GYPE: variants seen among roughly 807,000 people sequenced by gnomAD.
GYPE encodes glycophorin E (MNS blood group).
A neutral mutation model predicts 11.6 loss-of-function variants in GYPE; 8 were observed. The ratio of observed to expected loss-of-function variants is 0.69; its 90% CI spans 0.41 to 1.25. The LOEUF (loss-of-function observed/expected upper bound fraction) is 1.25, where lower values mean the gene tolerates loss of function less well. Ranked by LOEUF, GYPE falls within the 50% of genes most tolerant of loss-of-function variation. The probability of loss-of-function intolerance (pLI) is 0.01; values close to 1 mark genes in which losing one functional copy is unlikely to be tolerated. For missense variants in GYPE, 90 were observed against 92.8 expected, an observed-to-expected ratio of 0.97 and a Z score of 0.12; for synonymous variants, 28 against 29.6, an observed-to-expected ratio of 0.94 and a Z score of 0.18.
intron 3 of GYPE, among the ~76,000 whole-genome samples, chr4:143,874,262 A>G (rs1743716112): frequency 6.6e-6 from 1 of 152,158 alleles, no homozygotes; most frequent in Non-Finnish European, 1.5e-5. Flanking sequence ...AAGTGAAATT[A>G]AGCTCTATAC....
chr4:143,874,800 T>C (rs1743735615), intron 3 of GYPE, among the ~76,000 whole-genome samples: 1 of 152,202 alleles, frequency 6.6e-6, no homozygotes, highest in Non-Finnish European at 1.5e-5. Context: ...AGATCTGCTG[T>C]GTCCTGGAGG....
chr4:143,901,946 A>C (rs13148490), intron 1 of GYPE, among the ~76,000 whole-genome samples: 4 of 151,906 alleles, frequency 2.6e-5, no homozygotes. Flanking sequence ...TTTCACACCA[A>C]GCTAAAGATA....
intron 1 of GYPE, among the ~76,000 whole-genome samples, chr4:143,896,706 A>G (rs1019941161): frequency 2.2e-4 from 33 of 152,318 alleles, no homozygotes; most frequent in African/African-American, 6.3e-4. Flanking sequence ...ACACATGCAC[A>G]TGTATGTTTA....
At chr4:143,905,398 T>G in intron 1 of GYPE, 73 bp downstream of exon 1, 1 of 1,606,504 alleles carries the variant, frequency 6.2e-7, no homozygotes, top group Non-Finnish European at 8.5e-7. Context: ...AGAACTAAAA[T>G]AGGGTAGTTT....
intron 1 of GYPE, among the ~76,000 whole-genome samples, chr4:143,900,935 A>C (rs1365164801): frequency 6.6e-6 from 1 of 152,176 alleles, no homozygotes; most frequent in Non-Finnish European, 1.5e-5. Context: ...AATGCATTAA[A>C]TGCTACCGAT....
chr4:143,871,420 C>T lies in GYPE; in HGVS notation c.*842G>A, dbSNP rs1743616390. 1.3e-5 allele frequency: 2 copies of T among 152,332 alleles called. No homozygotes were observed. Among genetic ancestry groups the T allele is most frequent in the Admixed American group, 6.5e-5 (1 of 15,282 alleles). The allele number at this position is 152,332 out of a possible 1,614,324, so 9.4% of individuals were successfully genotyped here. A position where few individuals can be genotyped will look rare whatever the true frequency, so the allele number is the denominator to read the frequency against. The stretch of plus-strand genomic sequence containing the variant: ...TGAAACCAAGAGGCACTGATTACCA[C>T]CTCACTCTAAAGAGAATTACTGAGT... On this transcript the variant is annotated 3_prime_UTR_variant, in exon 4 of 4. Transcript: ENST00000358615.
rs777021769 is a variant in GYPE, at chr4:143,905,469, A to G, written c.37+2T>C. ...GAACCAAGATGAAATAAAATCACTTACCTGACAATAGTAATACAAAGATTA... is the reference window on the plus strand; with the variant it reads ...GAACCAAGATGAAATAAAATCACTTGCCTGACAATAGTAATACAAAGATTA... On this transcript the variant is annotated splice_donor_variant, in intron 1 of 3. Transcript: ENST00000358615. LOFTEE classifies it high-confidence loss of function. The G allele has an allele frequency of 6.2e-7, 1 of 1,613,090 alleles. No homozygotes were observed. The highest frequency in any genetic ancestry group is 2.2e-5 in the East Asian group (1 of 44,882).
intron 2 of GYPE, among the ~76,000 whole-genome samples, chr4:143,879,655 A>T (rs1277905869): frequency 6.6e-6 from 1 of 152,214 alleles, no homozygotes; most frequent in Non-Finnish European, 1.5e-5. Context: ...GAATTTTCTG[A>T]AACTTCATTA....
intron 1 of GYPE, among the ~76,000 whole-genome samples, chr4:143,884,038 C>T (rs34675529): frequency 0.23 from 35,129 of 150,694 alleles, 4,052 homozygotes; most frequent in East Asian, 0.34. Context: ...TTTGTGAACA[C>T]CTGCAAGACT....
chr4:143,905,510 T>C lies in GYPE; in HGVS notation c.-3A>G. ...ACAAAGATTATTTTTCCATACATCC[T>C]GAGATCACGAGCTGGCTCCTGAAGT... On this transcript the variant is annotated 5_prime_UTR_variant, in exon 1 of 4. Transcript: ENST00000358615. The C allele has an allele frequency of 6.2e-7, 1 of 1,612,886 alleles. No individual in the cohort carries two copies. Among genetic ancestry groups the C allele is most frequent in the Non-Finnish European group, 8.5e-7 (1 of 1,179,060 alleles).
chr4:143,874,239 C>T (rs1383390677), intron 3 of GYPE, among the ~76,000 whole-genome samples: 1 of 152,046 alleles, frequency 6.6e-6, no homozygotes, highest in African/African-American at 2.4e-5. Flanking sequence ...CAAAAATTAG[C>T]TATAATCCCA....
intron 1 of GYPE, among the ~76,000 whole-genome samples, chr4:143,897,009 G>T (rs1298903767): frequency 6.6e-6 from 1 of 151,944 alleles, no homozygotes; most frequent in African/African-American, 2.4e-5. Flanking sequence ...GACTGTTGTG[G>T]GGTGGGGGCA....
rs1224802214 is a variant in GYPE, at chr4:143,892,731, T to C, written c.38-12222A>G. ...TGCTGAGGAGAGCTTTACTTCCAAC[T>C]ATGTGGTCAGTTTTGGAATAGGTGT... On this transcript the variant is annotated intron_variant, in intron 1 of 3. Transcript: ENST00000358615. 4.0e-5 allele frequency among the ~76,000 whole-genome samples: 6 copies of C among 149,448 alleles called. No individual in the cohort carries two copies. The East Asian group carries it at 1.2e-3, about 30-fold the overall frequency.
intron 1 of GYPE, among the ~76,000 whole-genome samples, chr4:143,898,462 A>G (rs1247901490): frequency 1.3e-5 from 2 of 152,210 alleles, no homozygotes; most frequent in African/African-American, 4.8e-5. Context: ...CAAAGACATT[A>G]CAAACAGTGA....
At chr4:143,882,719 C>T (rs1200272064) in intron 1 of GYPE, among the ~76,000 whole-genome samples, 3 of 152,172 alleles carry the variant, frequency 2.0e-5, no homozygotes, top group Non-Finnish European at 4.4e-5. Context: ...TTCATCCTCT[C>T]CATGCTTCTC....
chr4:143,905,227 A>G (rs1283475301), intron 1 of GYPE, among the ~76,000 whole-genome samples: 1 of 152,196 alleles, frequency 6.6e-6, no homozygotes, highest in Non-Finnish European at 1.5e-5. Context: ...TTCTAGCTAG[A>G]CTTAGAATTG....
intron 3 of GYPE, among the ~76,000 whole-genome samples, chr4:143,872,836 A>G (rs1392462825): frequency 6.6e-6 from 1 of 151,372 alleles, no homozygotes; most frequent in Admixed American, 6.6e-5. Flanking sequence ...GTTTTGGGGA[A>G]AAGTTCAGTG....
In GYPE at chr4:143,883,541, A is replaced by T. The variant is rs540339368; in HGVS notation, c.38-3032T>A. Among the ~76,000 whole-genome samples, 166 of 141,304 alleles carry T rather than the reference A, an allele frequency of 1.2e-3. 4 individuals are homozygous for T. Among genetic ancestry groups the T allele is most frequent in the South Asian group, 2.4e-3 (11 of 4,550 alleles). The allele number at this position is 141,304 out of a possible 152,430, so 92.7% of individuals were successfully genotyped here. On this transcript the variant is annotated intron_variant, in intron 1 of 3. Coordinates refer to ENST00000358615, the MANE Select transcript of GYPE (RefSeq NM_198682.3). ...TATAATTAATAATAACATGTAATTAATTATAAATTAATTTATAATTATTAA... is the reference window on the plus strand; with the variant it reads ...TATAATTAATAATAACATGTAATTATTTATAAATTAATTTATAATTATTAA...
intron 1 of GYPE, among the ~76,000 whole-genome samples, chr4:143,904,556 A>C (rs1744987794): frequency 6.6e-6 from 1 of 152,112 alleles, no homozygotes; most frequent in Non-Finnish European, 1.5e-5. Context: ...ATCTTAGAAA[A>C]TGCTGATCTC....
Sources: gnomAD v4.1 joint callset for allele counts (sites outside exome capture counted in the v4.1 genomes callset) on GRCh38, gnomAD v4.1.1 for gene constraint, MANE v1.5 for transcripts, NCBI Gene and HGNC (gene_info 2026-07-23, HGNC 2026-07-21) for gene names.